Variants in PDE1C observed in about 807,000 individuals in gnomAD.
PDE1C encodes the protein dual specificity calcium/calmodulin-dependent 3',5'-cyclic nucleotide phosphodiesterase 1C.
A neutral mutation model predicts 93.1 loss-of-function variants in PDE1C; 62 were observed. The ratio of observed to expected loss-of-function variants is 0.67; its 90% CI spans 0.54 to 0.82. The LOEUF is 0.82. Among genes scored for constraint, PDE1C ranks in the 40% least tolerant of loss-of-function variants. The pLI is 0.00. For synonymous variants in PDE1C, 325 were observed against 310.1 expected (o/e 1.05, Z -0.50); for missense variants, 742 against 884.6 (o/e 0.84, Z 2.04).
rs376919544 is a variant in PDE1C at position 32,030,078 on chromosome 7, AACACACACACACACACACAC to A, written c.128+21456_128+21475del. On this transcript the variant is annotated intron_variant, in intron 2 of 17. Transcript: ENST00000396191. ...CAAGTTGCTGAAAAATGCATATTAT[AACACACACACACACACACAC>A]ACACACACACACACACACACACACA... is the stretch of plus-strand genomic sequence containing the variant. Among the ~76,000 whole-genome samples the A allele has an allele frequency of 8.9e-3, 1,188 of 134,084 alleles. 13 individuals carry two copies. The highest frequency in any genetic ancestry group is 0.03 in the African/African-American group (1,101 of 36,144). 88.0% of individuals were successfully genotyped at this position (134,084 alleles called of 152,430 possible).
At chr7:31,967,164 T>C (rs1156719358) in intron 2 of PDE1C, among the ~76,000 whole-genome samples, 2 of 152,048 alleles carry the variant, frequency 1.3e-5, no homozygotes, top group Non-Finnish European at 2.9e-5. Context: ...AATCAATGAA[T>C]CCAGGAGCTG....
At position 32,366,898 on chromosome 7, in the gene PDE1C, G is replaced by A. The variant is rs553744998; in HGVS notation, c.310+60924C>T. Among the ~76,000 whole-genome samples, 151 of 151,486 alleles carry A rather than the reference G, an allele frequency of 1.0e-3. 1 individual carries two copies. The highest frequency in any genetic ancestry group is 3.2e-3 in the African/African-American group (133 of 41,320). ...AAAAAAATTAGCCAGGCATGGTGGC[G>A]GGTGCCTGTAGTCCCAGCTACTTGG... On this transcript the variant is annotated intron_variant, in intron 1 of 1. Coordinates refer to the PDE1C transcript ENST00000672256.
At chr7:32,096,083 A>G (rs1302020185) in intron 3 of PDE1C, among the ~76,000 whole-genome samples, 2 of 152,220 alleles carry the variant, frequency 1.3e-5, no homozygotes, top group African/African-American at 4.8e-5. Flanking sequence ...GAGAGCTTTA[A>G]CTTACTACAG....
chr7:31,878,915 A>G, intron 4 of PDE1C, 81 bp downstream of exon 4: 1 of 1,389,834 alleles, frequency 7.2e-7, no homozygotes, highest in Non-Finnish European at 1.0e-6. Flanking sequence ...GGAAAACTAC[A>G]TTAAAGCAAA....
intron 1 of PDE1C, among the ~76,000 whole-genome samples, chr7:32,313,074 C>T (rs1294107909): frequency 6.6e-6 from 1 of 151,848 alleles, no homozygotes; most frequent in East Asian, 1.9e-4. Flanking sequence ...ACAAACAACC[C>T]CATCAAAAAG....
intron 3 of PDE1C, among the ~76,000 whole-genome samples, chr7:32,096,029 TGA>T (rs775329650): frequency 7.2e-5 from 11 of 152,216 alleles, no homozygotes; most frequent in Non-Finnish European, 1.5e-4. Flanking sequence ...ATAGAAATGC[TGA>T]GTTACAAAAT....
At chr7:32,098,002 G>A (rs1460157924) in intron 3 of PDE1C, among the ~76,000 whole-genome samples, 2 of 149,012 alleles carry the variant, frequency 1.3e-5, no homozygotes, top group African/African-American at 2.6e-5. Flanking sequence ...AGGCCGAGGC[G>A]GGCGGATCAC....
In PDE1C at chr7:32,339,859, C is replaced by A. The variant is rs552920749; in HGVS notation, c.310+87963G>T. Among the ~76,000 whole-genome samples, 53 of 152,174 alleles carry A rather than the reference C, an allele frequency of 3.5e-4. 1 individual carries two copies. The South Asian group carries it at 8.1e-3, about 23-fold the overall frequency. ...AGAGAACTGTGGTAGGGCCACCCTG[C>A]GGTGTAGGGTGGCCATTTGAGATCT... On this transcript the variant is annotated intron_variant, in intron 1 of 1. Coordinates refer to the PDE1C transcript ENST00000672256.
the PDE1C span, among the ~76,000 whole-genome samples, chr7:31,636,121 C>T: frequency 6.6e-6 from 1 of 152,080 alleles, no homozygotes; most frequent in Non-Finnish European, 1.5e-5. Context: ...AACTCACTCA[C>T]TGTCACAAGA....
intron 1 of PDE1C, among the ~76,000 whole-genome samples, chr7:32,377,507 G>A (rs185680136): frequency 9.8e-4 from 149 of 152,222 alleles, no homozygotes; most frequent in Middle Eastern, 3.4e-3. Flanking sequence ...CTTTATAGTT[G>A]CTTTGTCTTG....
chr7:31,786,937 CTATCTATCTATCTATCTATCATCTATCT>C (rs200840465), intron 16 of PDE1C: 61 of 86,972 alleles, frequency 7.0e-4, no homozygotes, highest in African/African-American at 2.3e-3. Flanking sequence ...ATCTATCTAT[CTATCTATCTATCTATCTATCATCTATCT>C]ATCTATCTAT....
At chr7:31,707,530 T>G in the PDE1C span, 2 of 464,358 alleles carry the variant, frequency 4.3e-6, no homozygotes, top group Non-Finnish European at 7.6e-6. Context: ...AAGAAACAGA[T>G]CATCCTAAAT....
intron 16 of PDE1C, chr7:31,786,720 A>G (rs1783980643): frequency 6.6e-6 from 1 of 152,214 alleles, no homozygotes; most frequent in African/African-American, 2.4e-5. Flanking sequence ...TATTTGGGAT[A>G]GAACACCACA....
intron 2 of PDE1C, among the ~76,000 whole-genome samples, chr7:31,996,887 G>T (rs1460312675): frequency 1.3e-5 from 2 of 152,190 alleles, no homozygotes; most frequent in African/African-American, 4.8e-5. Context: ...GATAGTACCA[G>T]ATATCAGAGA....
the PDE1C span, chr7:31,642,703 CAG>C: frequency 1.2e-6 from 2 of 1,613,770 alleles, no homozygotes; most frequent in Non-Finnish European, 1.7e-6. Flanking sequence ...GCCAAACAGC[CAG>C]AGTCCTGCTG....
chr7:32,257,174 C>T (rs555349114), intron 1 of PDE1C, among the ~76,000 whole-genome samples: 2 of 151,982 alleles, frequency 1.3e-5, no homozygotes, highest in South Asian at 2.1e-4. Context: ...AAGATTGAGA[C>T]GATGAACAAG....
chr7:32,316,349 CG>C (rs1254777848), intron 1 of PDE1C, among the ~76,000 whole-genome samples: 2 of 152,154 alleles, frequency 1.3e-5, no homozygotes, highest in East Asian at 3.8e-4. Context: ...TAAACAAGAA[CG>C]CACATCTGCC....
At chr7:31,896,051 AT>A (rs1799295257) in intron 2 of PDE1C, among the ~76,000 whole-genome samples, 23 of 152,084 alleles carry the variant, frequency 1.5e-4, no homozygotes, top group Admixed American at 1.5e-3. Context: ...AAACTGCCCC[AT>A]CACCCAGCAG....
At chr7:31,797,974 T>C (rs192179078) in intron 16 of PDE1C, among the ~76,000 whole-genome samples, 2 of 151,780 alleles carry the variant, frequency 1.3e-5, no homozygotes, top group Non-Finnish European at 1.5e-5. Flanking sequence ...ATGACCCATA[T>C]CCACTCTTCT....
Sources: gnomAD v4.1 joint callset for allele counts (sites outside exome capture counted in the v4.1 genomes callset) on GRCh38, gnomAD v4.1.1 for gene constraint, MANE v1.5 for transcripts, NCBI Gene and HGNC (gene_info 2026-07-23, HGNC 2026-07-21) for gene names.